Variants in GASK1A observed in about 807,000 individuals in gnomAD.
GASK1A encodes the protein Golgi-associated kinase 1A.
A neutral mutation model predicts 41.2 loss-of-function variants in GASK1A; 40 were observed. The observed-to-expected ratio is 0.97, with a 90% CI of 0.75 to 1.27. The LOEUF (loss-of-function observed/expected upper bound fraction) is 1.27. GASK1A is among the 50% of genes most tolerant of loss of function. GASK1A has a pLI of 0.00. For synonymous variants in GASK1A, 316 were observed against 307.1 expected, an observed-to-expected ratio of 1.03 and a Z score of -0.30; for missense variants, 678 against 745.1, an observed-to-expected ratio of 0.91 and a Z score of 1.05.
intron 1 of GASK1A, among the ~76,000 whole-genome samples, chr3:42,995,560 C>T (rs982184694): frequency 1.3e-5 from 2 of 152,204 alleles, no homozygotes; most frequent in African/African-American, 2.4e-5. Context: ...TATAAACTCT[C>T]CTCTAGGTCT....
At chr3:43,049,728 T>G (rs1297759408) in intron 2 of GASK1A, among the ~76,000 whole-genome samples, 1 of 152,176 alleles carries the variant, frequency 6.6e-6, no homozygotes, top group African/African-American at 2.4e-5. Context: ...TTGGGGACAG[T>G]ACTTGGGACT....
At chr3:43,007,861 C>T (rs1251095608) in intron 1 of GASK1A, among the ~76,000 whole-genome samples, 1 of 152,204 alleles carries the variant, frequency 6.6e-6, no homozygotes. Flanking sequence ...CCTAGGTGAC[C>T]TGATATCAGT....
In GASK1A at chr3:43,010,982, C is replaced by T. The variant is rs185776410; in HGVS notation, c.4-21285C>T. On this transcript the variant is annotated intron_variant, in intron 1 of 4. Transcript: ENST00000430121. The stretch of plus-strand genomic sequence containing the variant: ...CTTTAGCCTCTTACCTTCCCCAACT[C>T]CCCCCTCTCCACCCACCAACAAATC... Among the ~76,000 whole-genome samples, 60 of 152,260 alleles carry T rather than the reference C, an allele frequency of 3.9e-4. No individual in the cohort carries two copies. The Middle Eastern group carries it at 0.01, about 26-fold the overall frequency.
At chr3:43,041,126 G>C (rs908625640) in intron 2 of GASK1A, among the ~76,000 whole-genome samples, 2 of 149,522 alleles carry the variant, frequency 1.3e-5, no homozygotes, top group Non-Finnish European at 3.0e-5. Flanking sequence ...GTCTATCATT[G>C]TTGGACATTT....
At chr3:42,995,351 G>A (rs932756929) in intron 1 of GASK1A, among the ~76,000 whole-genome samples, 1 of 152,226 alleles carries the variant, frequency 6.6e-6, no homozygotes, top group Admixed American at 6.5e-5. Flanking sequence ...CATTGAGAGA[G>A]AGTGTCATAC....
intron 1 of GASK1A, among the ~76,000 whole-genome samples, chr3:43,000,158 C>T (rs2089401527): frequency 6.6e-6 from 1 of 152,176 alleles, no homozygotes; most frequent in Non-Finnish European, 1.5e-5. Flanking sequence ...GTCTTGAGGA[C>T]CACGTGTTCT....
intron 1 of GASK1A, among the ~76,000 whole-genome samples, chr3:43,009,407 A>C (rs778870378): frequency 2.6e-5 from 4 of 152,166 alleles, no homozygotes; most frequent in Non-Finnish European, 5.9e-5. Flanking sequence ...GGGCGCATTG[A>C]AAATGCTTCT....
intron 2 of GASK1A, among the ~76,000 whole-genome samples, chr3:43,042,139 T>G (rs1256846812): frequency 1.3e-5 from 2 of 152,086 alleles, no homozygotes; most frequent in Non-Finnish European, 2.9e-5. Context: ...GGCTTTTGAC[T>G]GAAAATAGGA....
intron 2 of GASK1A, among the ~76,000 whole-genome samples, chr3:43,045,868 G>A (rs2089660214): frequency 1.3e-5 from 2 of 152,166 alleles, no homozygotes; most frequent in Admixed American, 1.3e-4. Flanking sequence ...AGTTCCTCCT[G>A]CATTCATTCT....
At chr3:43,021,969 AG>A (rs2089524703) in intron 1 of GASK1A, among the ~76,000 whole-genome samples, 1 of 152,202 alleles carries the variant, frequency 6.6e-6, no homozygotes, top group Non-Finnish European at 1.5e-5. Flanking sequence ...AGAACCACAC[AG>A]TGAAGGTAAC....
intron 1 of GASK1A, among the ~76,000 whole-genome samples, chr3:42,990,365 A>G (rs1475517272): frequency 2.1e-4 from 31 of 146,654 alleles, no homozygotes; most frequent in African/African-American, 3.3e-4. Flanking sequence ...AAAAAAAAAA[A>G]GGGTCCCTAT....
At chr3:42,982,365 A>G (rs1411803620) in intron 1 of GASK1A, among the ~76,000 whole-genome samples, 1 of 152,234 alleles carries the variant, frequency 6.6e-6, no homozygotes, top group Non-Finnish European at 1.5e-5. Flanking sequence ...CTGATTTTTG[A>G]GAAAAAATAC....
At chr3:43,037,142 C>G in intron 2 of GASK1A, 1 of 980,168 alleles carries the variant, frequency 1.0e-6, no homozygotes. Context: ...CGATTCAGGG[C>G]AGACCTCCTT....
intron 1 of GASK1A, among the ~76,000 whole-genome samples, chr3:43,020,480 C>T (rs2125682829): frequency 6.6e-6 from 1 of 152,276 alleles, no homozygotes; most frequent in East Asian, 1.9e-4. Flanking sequence ...GACAGCACTA[C>T]ACTCTTATTA....
In GASK1A at chr3:43,056,459, A is replaced by G. The variant is rs1313707285; in HGVS notation, c.*73A>G. 2 of 1,343,360 alleles carry G rather than the reference A, an allele frequency of 1.5e-6. No homozygotes were observed. The highest frequency in any genetic ancestry group is 5.1e-5 in the East Asian group (2 of 39,298). The allele number at this position is 1,343,360 out of a possible 1,614,324, so 83.2% of individuals were successfully genotyped here. A position where few individuals can be genotyped will look rare whatever the true frequency, so the allele number is the denominator to read the frequency against. On this transcript the variant is annotated 3_prime_UTR_variant, in exon 5 of 5. Coordinates refer to ENST00000430121, the MANE Select transcript of GASK1A (RefSeq NM_001129908.3). The stretch of plus-strand genomic sequence containing the variant: ...TTTCTTGGGCTCACTCATCTTGAGG[A>G]CAAATGGGAAAAGCCAGAAGCCAGA...
At chr3:42,993,650 A>G (rs72869041) in intron 1 of GASK1A, among the ~76,000 whole-genome samples, 219 of 151,880 alleles carry the variant, frequency 1.4e-3, no homozygotes, top group African/African-American at 4.6e-3. Flanking sequence ...ATATTCATCA[A>G]TGTGATCTGT....
chr3:42,995,326 C>T (rs1345363544), intron 1 of GASK1A, among the ~76,000 whole-genome samples: 1 of 152,170 alleles, frequency 6.6e-6, no homozygotes, highest in Non-Finnish European at 1.5e-5. Flanking sequence ...CTGTGGTGAA[C>T]TTCAGGGAGC....
chr3:43,039,458 T>C (rs62247124), intron 2 of GASK1A, among the ~76,000 whole-genome samples: 27,822 of 152,104 alleles, frequency 0.18, 2,662 homozygotes, highest in South Asian at 0.36. Context: ...CTGCTTCGGC[T>C]TCCCAAAGTG....
intron 3 of GASK1A, among the ~76,000 whole-genome samples, chr3:43,055,097 T>C (rs1266124909): frequency 2.0e-5 from 3 of 152,226 alleles, no homozygotes; most frequent in African/African-American, 7.2e-5. Flanking sequence ...CTTAGCCCCA[T>C]GGGTCCGGGT....
Sources: gnomAD v4.1 joint callset for allele counts (sites outside exome capture counted in the v4.1 genomes callset) on GRCh38, gnomAD v4.1.1 for gene constraint, MANE v1.5 for transcripts, NCBI Gene and HGNC (gene_info 2026-07-23, HGNC 2026-07-21) for gene names.